The following PPP1R36 variants were observed in gnomAD, a reference collection of about 807,000 sequenced individuals.
The protein encoded by PPP1R36 is chromosome 14 open reading frame 50.
PPP1R36 carries 47 observed loss-of-function variants against 53.4 expected under a neutral mutation model. The observed-to-expected ratio is 0.88, with a 90% confidence interval of 0.70 to 1.12. The LOEUF (loss-of-function observed/expected upper bound fraction) is 1.12. Ranked by LOEUF, PPP1R36 falls within the 50% of genes most tolerant of loss-of-function variation. PPP1R36 has a pLI of 0.00. For synonymous variants in PPP1R36, 153 were observed against 170.5 expected, an observed-to-expected ratio of 0.90 and a Z score of 0.80; for missense variants, 456 against 513.9, an observed-to-expected ratio of 0.89 and a Z score of 1.09.
At chr14:64,569,118 T>C (rs1262990628) in intron 7 of PPP1R36, among the ~76,000 whole-genome samples, 1 of 152,216 alleles carries the variant, frequency 6.6e-6, no homozygotes, top group Admixed American at 6.5e-5. Context: ...AGGCTACTTA[T>C]AAAGAATTTA....
rs951861430 is a variant in PPP1R36, at chr14:64,583,131, T to G, written c.669-3706T>G. 3.3e-5 allele frequency among the ~76,000 whole-genome samples: 5 copies of G among 150,666 alleles called. No individual in the cohort carries two copies. The East Asian group carries it at 9.7e-4, about 29-fold the overall frequency. ...TTTTGCCATCTTGCCCAGGCTGGTC[T>G]TGAACTCCTGAGCTCAAGCGATCTG... On this transcript the variant is annotated intron_variant, in intron 8 of 11. Coordinates refer to ENST00000298705, the MANE Select transcript of PPP1R36 (RefSeq NM_172365.3).
intron 3 of PPP1R36, among the ~76,000 whole-genome samples, chr14:64,562,692 A>C (rs1001498678): frequency 1.3e-5 from 2 of 152,056 alleles, no homozygotes; most frequent in Non-Finnish European, 2.9e-5. Context: ...TAAATGCCAG[A>C]CTATTGGCTA....
chr14:64,567,595 G>C (rs569599233), intron 6 of PPP1R36, among the ~76,000 whole-genome samples: 1 of 152,188 alleles, frequency 6.6e-6, no homozygotes, highest in Non-Finnish European at 1.5e-5. Context: ...TGTATATGTT[G>C]GTGGAGGAGG....
chr14:64,587,227 A>G lies in PPP1R36; in HGVS notation c.745A>G (p.Ile249Val). The change falls in exon 10 of 12, where the codon ATT becomes GTT. Residue 249 changes from isoleucine to valine, a missense_variant. By Grantham distance (29) the Ile-to-Val change is conservative (BLOSUM62 3). Coordinates refer to ENST00000298705, the MANE Select transcript of PPP1R36 (RefSeq NM_172365.3). ...TACTTTCTGTACATATGTGGCTTGG[A>G]TTGTCTTCCGACGTCAACACTTGAC... ...FYTFCTYVAWIVFRRQHLTEI... is the reference protein window; with the variant it reads ...FYTFCTYVAWVVFRRQHLTEI... 6.2e-7 allele frequency: 1 copy of G among 1,612,804 alleles called. No individual in the cohort carries two copies. Among genetic ancestry groups the G allele is most frequent in the Non-Finnish European group, 8.5e-7 (1 of 1,179,512 alleles).
chr14:64,589,330 C>G lies in PPP1R36; in HGVS notation c.1261C>G (p.Pro421Ala), dbSNP rs748896569. 11 of 1,606,796 alleles carry G rather than the reference C, an allele frequency of 6.8e-6. No individual in the cohort carries two copies. Among genetic ancestry groups the G allele is most frequent in the Non-Finnish European group, 8.5e-7 (1 of 1,175,084 alleles). Residue 421 changes from proline (P) to alanine (A), a missense_variant, in exon 12 of 12, where the codon CCT (proline) becomes GCT (alanine). Pro to Ala is a conservative substitution (Grantham distance 27). Coordinates refer to ENST00000298705, the MANE Select transcript of PPP1R36 (RefSeq NM_172365.3). ...MKTLSSHTSC[P>A]K is the part of the protein sequence containing the mutation. ...AACACTGTCCTCTCATACATCATGCCCTAAGTAACCTGGTACATTCCATAT... is the reference window on the plus strand; with the variant it reads ...AACACTGTCCTCTCATACATCATGCGCTAAGTAACCTGGTACATTCCATAT...
intron 3 of PPP1R36, among the ~76,000 whole-genome samples, chr14:64,563,957 C>T (rs927103079): frequency 6.6e-6 from 1 of 152,182 alleles, no homozygotes; most frequent in Admixed American, 6.5e-5. Flanking sequence ...CTGAGACTCT[C>T]GAGAGTCTGT....
chr14:64,560,664 A>G (rs2080199378), intron 3 of PPP1R36, among the ~76,000 whole-genome samples: 1 of 152,182 alleles, frequency 6.6e-6, no homozygotes. Context: ...GGAGGAATCA[A>G]GGAAGACACC....
At chr14:64,566,251 G>A (rs2080254827) in intron 6 of PPP1R36, among the ~76,000 whole-genome samples, 1 of 151,930 alleles carries the variant, frequency 6.6e-6, no homozygotes, top group Admixed American at 6.6e-5. Flanking sequence ...CTGGGTGACA[G>A]AGCAAGACTC....
intron 3 of PPP1R36, among the ~76,000 whole-genome samples, chr14:64,556,573 GC>G (rs1188381068): frequency 6.6e-6 from 1 of 151,322 alleles, no homozygotes; most frequent in African/African-American, 2.4e-5. Flanking sequence ...ACCAGCCTGG[GC>G]AACATAGTGA....
At chr14:64,587,045 G>A in intron 9 of PPP1R36, 149 bp from the exon 10 acceptor site, 2 of 792,808 alleles carry the variant, frequency 2.5e-6, no homozygotes, top group Non-Finnish European at 4.0e-6. Context: ...TCATGCAAAA[G>A]TGAGTATGTG....
At chr14:64,568,556 C>T in intron 7 of PPP1R36, 109 bp downstream of exon 7, 1 of 490,604 alleles carries the variant, frequency 2.0e-6, no homozygotes. Context: ...TTGAGATGTA[C>T]TAAGACATTT....
intron 7 of PPP1R36, among the ~76,000 whole-genome samples, chr14:64,571,931 G>C (rs2080306968): frequency 1.3e-5 from 2 of 152,114 alleles, no homozygotes; most frequent in Non-Finnish European, 2.9e-5. Context: ...GAAACAGCAT[G>C]GGAAAGACCC....
intron 6 of PPP1R36, 148 bp downstream of exon 6, chr14:64,565,840 CTGCGACCAAAGAGTCAG>C (rs1169386224): frequency 1.5e-6 from 1 of 652,934 alleles, no homozygotes. Context: ...GTCACAAAGA[CTGCGACCAAAGAGTCAG>C]GGAGAGGAAG....
chr14:64,556,291 C>G lies in PPP1R36; in HGVS notation c.182+3430C>G, dbSNP rs575716068. On this transcript the variant is annotated intron_variant, in intron 3 of 11. Coordinates refer to ENST00000298705, the MANE Select transcript of PPP1R36 (RefSeq NM_172365.3). ...CTAATTTTTTGTATTTTTGTAGAGA[C>G]AGGGTTTTACCATGTTGCCCAGGCT... Among the ~76,000 whole-genome samples the G allele has an allele frequency of 8.2e-4, 125 of 151,978 alleles. 1 individual carries two copies. Among genetic ancestry groups the G allele is most frequent in the African/African-American group, 2.8e-3 (118 of 41,488 alleles).
At position 64,588,251 on chromosome 14, in the gene PPP1R36, G is replaced by A. The variant is rs2080452831; in HGVS notation, c.1038G>A (p.Glu346=). Residue 346 remains glutamate, a synonymous_variant, in exon 11 of 12, where the codon GAG becomes GAA. Transcript: ENST00000298705. The part of the protein sequence containing the change: ...YHQVDVRFPA[E]MQKHVGTLDS... ...AAGTAGACGTCAGATTCCCAGCCGA[G>A]ATGCAAAAGCATGTGGGAACTCTGG... is the stretch of plus-strand genomic sequence containing the variant. 1 of 1,614,008 alleles carries A rather than the reference G, an allele frequency of 6.2e-7. No homozygotes were observed. Among genetic ancestry groups the A allele is most frequent in the Non-Finnish European group, 8.5e-7 (1 of 1,179,904 alleles).
intron 8 of PPP1R36, among the ~76,000 whole-genome samples, chr14:64,582,149 C>T (rs1209074910): frequency 6.6e-6 from 1 of 152,058 alleles, no homozygotes; most frequent in Admixed American, 6.6e-5. Flanking sequence ...CCCTTACCCC[C>T]AGTCACATGC....
chr14:64,552,798 C>T lies in PPP1R36; in HGVS notation c.135-16C>T. On this transcript the variant is annotated splice_polypyrimidine_tract_variant and intron_variant, in intron 2 of 11. Transcript: ENST00000298705. ...ACCCGTCACTTCAAAGCAGTAATTT[C>T]AGTTTTCTTTCTCAGGTTTGCCGCA... 4 of 1,611,740 alleles carry T rather than the reference C, an allele frequency of 2.5e-6. No homozygotes were observed. Among genetic ancestry groups the T allele is most frequent in the South Asian group, 1.1e-5 (1 of 91,016 alleles).
chr14:64,578,219 G>T (rs1360101946), intron 8 of PPP1R36, among the ~76,000 whole-genome samples: 1 of 152,306 alleles, frequency 6.6e-6, no homozygotes, highest in African/African-American at 2.4e-5. Flanking sequence ...CTCCCAAAGT[G>T]CTGGAATTAT....
chr14:64,554,792 C>A (rs2080134105), intron 3 of PPP1R36, among the ~76,000 whole-genome samples: 1 of 152,000 alleles, frequency 6.6e-6, no homozygotes, highest in African/African-American at 2.4e-5. Flanking sequence ...TGAGCTCTGG[C>A]AGGAGAATGG....
Sources: allele counts gnomAD v4.1 joint callset (sites outside exome capture counted in the v4.1 genomes callset), GRCh38; gene constraint gnomAD v4.1.1; transcripts MANE v1.5; gene names NCBI Gene and HGNC (gene_info 2026-07-23, HGNC 2026-07-21).